The following RFX3 variants were observed in gnomAD, a reference collection of about 807,000 sequenced individuals.
RFX3 encodes transcription factor RFX3.
A neutral mutation model predicts 98.6 loss-of-function variants in RFX3; 14 were observed. The observed-to-expected ratio is 0.14, with a 90% CI of 0.09 to 0.22. The LOEUF is 0.22. Ranked by LOEUF, RFX3 falls within the 10% of genes least tolerant of loss-of-function variation. The pLI, the probability that RFX3 is intolerant of heterozygous loss-of-function variation, is 1.00. For synonymous variants in RFX3, 383 were observed against 328.4 expected, an observed-to-expected ratio of 1.17 and a Z score of -1.80; for missense variants, 639 against 926.9, an observed-to-expected ratio of 0.69 and a Z score of 4.03.
chr9:3,262,819 A>C, intron 13 of RFX3, 116 bp downstream of exon 13: 1 of 1,053,022 alleles, frequency 9.5e-7, no homozygotes, highest in Admixed American at 2.1e-5. Flanking sequence ...AACACTGTGA[A>C]TATAGATGCT....
chr9:3,251,573 T>C (rs1821405575), intron 14 of RFX3, among the ~76,000 whole-genome samples: 1 of 151,914 alleles, frequency 6.6e-6, no homozygotes, highest in Admixed American at 6.6e-5. Context: ...ACTCAACTGA[T>C]CCTCCTGCCT....
chr9:3,220,072 T>C lies in RFX3; in HGVS notation c.*4970A>G, dbSNP rs756953065. 1 of 152,236 alleles carries C rather than the reference T, an allele frequency of 6.6e-6. No individual in the cohort carries two copies. The highest frequency in any genetic ancestry group is 1.5e-5 in the Non-Finnish European group (1 of 68,050). 9.4% of individuals were successfully genotyped at this position (152,236 alleles called of 1,614,324 possible). On this transcript the variant is annotated 3_prime_UTR_variant, in exon 17 of 17. Coordinates refer to ENST00000617270, the MANE Select transcript of RFX3 (RefSeq NM_001282116.2). ...AGTAGTCATAGCATCTCCTGACAGA[T>C]GAGCTTAAAATCAAGTGCTTTGCTC...
chr9:3,456,930 T>G (rs556221300), intron 1 of RFX3, among the ~76,000 whole-genome samples: 1 of 151,442 alleles, frequency 6.6e-6, no homozygotes, highest in African/African-American at 2.4e-5. Flanking sequence ...GGGTGGATCA[T>G]GAGGTCAAGA....
chr9:3,502,088 A>T (rs987020464), intron 1 of RFX3, among the ~76,000 whole-genome samples: 4 of 140,348 alleles, frequency 2.9e-5, no homozygotes, highest in African/African-American at 1.0e-4. Context: ...CGTCTCCACT[A>T]AAAAAAAAAA....
intron 2 of RFX3, among the ~76,000 whole-genome samples, chr9:3,353,499 A>T (rs970322619): frequency 6.6e-6 from 1 of 152,200 alleles, no homozygotes; most frequent in South Asian, 2.1e-4. Flanking sequence ...TGTAAGGTGC[A>T]GAGATGGTTT....
At chr9:3,270,925 G>A (rs1180408868) in intron 10 of RFX3, 78 bp downstream of exon 10, 10 of 1,595,972 alleles carry the variant, frequency 6.3e-6, no homozygotes, top group Non-Finnish European at 8.6e-6. Context: ...GTTCACAACT[G>A]GTATACATAT....
In RFX3 at chr9:3,444,830, G is replaced by A. The variant is rs1042709369; in HGVS notation, c.-8-49234C>T. 2.0e-5 allele frequency among the ~76,000 whole-genome samples: 3 copies of A among 152,222 alleles called. No homozygotes were observed. The East Asian group carries it at 5.8e-4, about 29-fold the overall frequency. ...ATGGAATATACTGACAATTGAAGCT[G>A]TCTGAACATGGAATGGACTGCTTTG... On this transcript the variant is annotated intron_variant, in intron 1 of 16. Transcript: ENST00000617270.
At chr9:3,505,089 TTATA>T (rs1484069197) in intron 1 of RFX3, among the ~76,000 whole-genome samples, 1 of 95,406 alleles carries the variant, frequency 1.0e-5, no homozygotes, top group African/African-American at 4.3e-5. Context: ...ATAAAATATT[TTATA>T]TATTTAGATT....
At position 3,462,006 on chromosome 9, in the gene RFX3, T is replaced by C. The variant is rs1426128461; in HGVS notation, c.-9+63741A>G. On this transcript the variant is annotated intron_variant, in intron 1 of 16. Transcript: ENST00000617270. ...GAGTGCCACAAGTGAACTTTTGTGT[T>C]TTCCGATTCATAATTAAGTTGGGGT... Among the ~76,000 whole-genome samples, 3 of 152,124 alleles carry C rather than the reference T, an allele frequency of 2.0e-5. 1 individual carries two copies. The highest frequency in any genetic ancestry group is 2.9e-5 in the Non-Finnish European group (2 of 67,850).
intron 14 of RFX3, among the ~76,000 whole-genome samples, chr9:3,252,174 GAT>G (rs1225065626): frequency 6.6e-6 from 1 of 152,154 alleles, no homozygotes; most frequent in Admixed American, 6.5e-5. Flanking sequence ...AGTAGTTTCT[GAT>G]ATCATTTTAG....
intron 14 of RFX3, among the ~76,000 whole-genome samples, chr9:3,249,807 A>C (rs1226966601): frequency 6.6e-6 from 1 of 152,060 alleles, no homozygotes; most frequent in Non-Finnish European, 1.5e-5. Flanking sequence ...GTGAAATCTT[A>C]AGAAAACTGC....
intron 3 of RFX3, among the ~76,000 whole-genome samples, chr9:3,343,753 T>C (rs889296341): frequency 6.6e-6 from 1 of 152,202 alleles, no homozygotes; most frequent in Non-Finnish European, 1.5e-5. Flanking sequence ...TGAAGATGCA[T>C]CTTCTCCCTC....
chr9:3,352,959 A>T lies in RFX3; in HGVS notation c.118-6195T>A, dbSNP rs1430488662. 2.0e-5 allele frequency among the ~76,000 whole-genome samples: 3 copies of T among 152,170 alleles called. No homozygotes were observed. In the East Asian group the frequency reaches 5.8e-4, roughly 29 times the overall value. ...CTTGGAACCAACCCAAATGTCCAAC[A>T]ATGATAGACTGGATTAAGAAAATGT... On this transcript the variant is annotated intron_variant, in intron 2 of 16. Transcript: ENST00000617270.
At chr9:3,413,375 ACAAT>A (rs1281243918) in intron 1 of RFX3, among the ~76,000 whole-genome samples, 2 of 152,144 alleles carry the variant, frequency 1.3e-5, no homozygotes, top group Non-Finnish European at 2.9e-5. Flanking sequence ...TCAAGGATAT[ACAAT>A]CAAACTATTT....
At chr9:3,297,212 A>C (rs771627183) in intron 5 of RFX3, among the ~76,000 whole-genome samples, 5 of 152,114 alleles carry the variant, frequency 3.3e-5, no homozygotes, top group Non-Finnish European at 5.9e-5. Context: ...TTTAGAACGA[A>C]ACAATTATTA....
intron 9 of RFX3, 108 bp from the exon 10 acceptor site, chr9:3,271,226 C>A: frequency 3.9e-5 from 29 of 740,028 alleles, no homozygotes; most frequent in Admixed American, 7.6e-5. Flanking sequence ...CCCTTGGGGT[C>A]ATAAGTTAAC....
intron 15 of RFX3, among the ~76,000 whole-genome samples, chr9:3,229,508 G>A (rs1818206646): frequency 6.6e-6 from 1 of 152,174 alleles, no homozygotes; most frequent in Non-Finnish European, 1.5e-5. Flanking sequence ...AAACAATATA[G>A]AACAATTAAT....
chr9:3,329,938 A>G (rs1469243018), intron 4 of RFX3, among the ~76,000 whole-genome samples: 1 of 152,190 alleles, frequency 6.6e-6, no homozygotes, highest in Non-Finnish European at 1.5e-5. Flanking sequence ...CATAATATGA[A>G]AGTGAGTTCT....
chr9:3,480,511 G>A (rs931862151), intron 1 of RFX3, among the ~76,000 whole-genome samples: 1 of 152,198 alleles, frequency 6.6e-6, no homozygotes, highest in African/African-American at 2.4e-5. Flanking sequence ...ACACGAGCAT[G>A]AATGCCATCA....
Sources: gnomAD v4.1 joint callset for allele counts (sites outside exome capture counted in the v4.1 genomes callset) on GRCh38, gnomAD v4.1.1 for gene constraint, MANE v1.5 for transcripts, NCBI Gene and HGNC (gene_info 2026-07-23, HGNC 2026-07-21) for gene names.